FOXP2: variants seen among roughly 807,000 people sequenced by gnomAD.
FOXP2 encodes forkhead box protein P2.
FOXP2 carries 12 observed loss-of-function variants against 115.8 expected under a neutral mutation model. The observed-to-expected ratio is 0.10, with a 90% CI of 0.07 to 0.17. The LOEUF (loss-of-function observed/expected upper bound fraction) is 0.17. FOXP2 is among the 10% of genes least tolerant of loss of function. FOXP2 has a pLI of 1.00. For missense variants in FOXP2, 629 were observed against 843.5 expected (o/e 0.75, Z 3.15); for synonymous variants, 328 against 297.7 (o/e 1.10, Z -1.05).
intron 1 of FOXP2, among the ~76,000 whole-genome samples, chr7:114,152,706 C>T (rs1295485567): frequency 6.6e-6 from 1 of 152,010 alleles, no homozygotes; most frequent in Admixed American, 6.6e-5. Context: ...TGGAAGACTG[C>T]CCGTGATTTG....
At chr7:114,566,629 A>G (rs1164075562) in intron 3 of FOXP2, among the ~76,000 whole-genome samples, 1 of 152,084 alleles carries the variant, frequency 6.6e-6, no homozygotes. Flanking sequence ...GTGCAAAACT[A>G]TGAGCCAAAT....
intron 1 of FOXP2, among the ~76,000 whole-genome samples, chr7:114,226,810 C>G (rs1794759141): frequency 6.6e-6 from 1 of 152,024 alleles, no homozygotes; most frequent in Admixed American, 6.6e-5. Context: ...ATGCTGAGAA[C>G]AGCATCACTG....
intron 11 of FOXP2, 57 bp from the exon 12 acceptor site, chr7:114,659,299 C>T: frequency 8.0e-7 from 1 of 1,250,900 alleles, no homozygotes; most frequent in Non-Finnish European, 1.2e-6. Context: ...TATGAAAATT[C>T]AATTATATAT....
Position 114,392,289 on chromosome 7 carries a change from G to T in FOXP2, c.-10-34213G>T, listed in dbSNP as rs527269790. Among the ~76,000 whole-genome samples the T allele has an allele frequency of 1.2e-3, 187 of 152,336 alleles. 1 individual carries two copies. Among genetic ancestry groups the T allele is most frequent in the Non-Finnish European group, 2.3e-3 (157 of 68,030 alleles). ...GTGGTTGGAGTGTCCAACATAAGGTGCTAGAAGCCACAATTGACTTGGGGG... is the reference window on the plus strand; with the variant it reads ...GTGGTTGGAGTGTCCAACATAAGGTTCTAGAAGCCACAATTGACTTGGGGG... On this transcript the variant is annotated intron_variant, in intron 2 of 17. Coordinates refer to the FOXP2 transcript ENST00000634411.
At chr7:114,117,112 A>T (rs1157956288) in intron 1 of FOXP2, among the ~76,000 whole-genome samples, 1 of 152,086 alleles carries the variant, frequency 6.6e-6, no homozygotes, top group Non-Finnish European at 1.5e-5. Flanking sequence ...TTGATTTAGT[A>T]AATGTAGACT....
rs538735259 is a variant in FOXP2 at position 114,326,129 on chromosome 7, A to G, written c.-11+38020A>G. On this transcript the variant is annotated intron_variant, in intron 2 of 17. Transcript: ENST00000634411. ...CTGATCAGATTGAGATGTAAAATGC[A>G]GACTATCTGGCCTGAGTAACAGATG... Among the ~76,000 whole-genome samples the G allele has an allele frequency of 3.3e-5, 5 of 152,256 alleles. No homozygotes were observed. In the East Asian group the frequency reaches 9.6e-4, roughly 29 times the overall value.
chr7:114,382,649 T>TA (rs1374537199), intron 2 of FOXP2, among the ~76,000 whole-genome samples: 2 of 152,142 alleles, frequency 1.3e-5, no homozygotes, highest in Admixed American at 6.5e-5. Context: ...ATCTCTATTA[T>TA]AAAAAACCGA....
chr7:114,547,600 T>A (rs1799992820), intron 3 of FOXP2, among the ~76,000 whole-genome samples: 1 of 151,822 alleles, frequency 6.6e-6, no homozygotes, highest in Admixed American at 6.6e-5. Context: ...TACTAAAAAA[T>A]TACAAAAAAT....
At chr7:114,536,387 T>C (rs573817451) in intron 3 of FOXP2, among the ~76,000 whole-genome samples, 1 of 137,682 alleles carries the variant, frequency 7.3e-6, no homozygotes, top group South Asian at 2.3e-4. Flanking sequence ...TGGGCTTTAG[T>C]TTTTCTTTTC....
chr7:114,496,691 A>C (rs1464947852), intron 2 of FOXP2, among the ~76,000 whole-genome samples: 1 of 152,206 alleles, frequency 6.6e-6, no homozygotes, highest in African/African-American at 2.4e-5. Context: ...GCAAATGTAT[A>C]GAAGGTTCAT....
chr7:114,505,852 G>A (rs1421248045), intron 2 of FOXP2, among the ~76,000 whole-genome samples: 1 of 151,642 alleles, frequency 6.6e-6, no homozygotes. Context: ...TGGGAACATA[G>A]TAGTAGACCT....
At chr7:114,203,092 TC>T (rs1168091848) in intron 1 of FOXP2, among the ~76,000 whole-genome samples, 1 of 152,244 alleles carries the variant, frequency 6.6e-6, no homozygotes, top group African/African-American at 2.4e-5. Context: ...CTCATCCAGA[TC>T]CTCTTTCCTC....
At chr7:114,504,193 T>A (rs1025612475) in intron 2 of FOXP2, among the ~76,000 whole-genome samples, 1 of 151,690 alleles carries the variant, frequency 6.6e-6, no homozygotes, top group Non-Finnish European at 1.5e-5. Context: ...GTTTTTCTAA[T>A]TTACTTGTCA....
At chr7:114,103,752 C>T (rs988227094) in intron 1 of FOXP2, among the ~76,000 whole-genome samples, 2 of 151,974 alleles carry the variant, frequency 1.3e-5, no homozygotes, top group Admixed American at 1.3e-4. Flanking sequence ...ATATGAAAGA[C>T]TTGTAAATTG....
At chr7:114,658,358 G>A (rs1206125730) in intron 11 of FOXP2, 91 bp downstream of exon 11, 1 of 1,271,376 alleles carries the variant, frequency 7.9e-7, no homozygotes, top group Non-Finnish European at 1.1e-6. Flanking sequence ...CAGAGCACAT[G>A]GAAACTCATG....
intron 2 of FOXP2, among the ~76,000 whole-genome samples, chr7:114,302,098 A>C (rs1796891717): frequency 6.6e-6 from 1 of 152,202 alleles, no homozygotes; most frequent in Non-Finnish European, 1.5e-5. Context: ...TAACTTCTAG[A>C]TTGTAATTAT....
chr7:114,485,215 T>C (rs1796721899), intron 2 of FOXP2, among the ~76,000 whole-genome samples: 1 of 151,966 alleles, frequency 6.6e-6, no homozygotes, highest in African/African-American at 2.4e-5. Context: ...GAAAATAATG[T>C]TTTAGAAAAT....
At chr7:114,650,343 G>T (rs1233867858) in intron 8 of FOXP2, among the ~76,000 whole-genome samples, 1 of 151,706 alleles carries the variant, frequency 6.6e-6, no homozygotes, top group African/African-American at 2.4e-5. Context: ...CCTAATCTCA[G>T]TGTATAACTG....
chr7:114,250,365 C>T (rs1349159180), intron 1 of FOXP2, among the ~76,000 whole-genome samples: 5 of 152,182 alleles, frequency 3.3e-5, no homozygotes, highest in African/African-American at 7.2e-5. Context: ...CTTGAGGAAT[C>T]GCCACACTGA....
Sources: allele counts gnomAD v4.1 joint callset (sites outside exome capture counted in the v4.1 genomes callset), GRCh38; gene constraint gnomAD v4.1.1; transcripts MANE v1.5; gene names NCBI Gene and HGNC (gene_info 2026-07-23, HGNC 2026-07-21).